MATCAP1: variants seen among roughly 807,000 people sequenced by gnomAD.
MATCAP1 encodes the protein microtubule-associated tyrosine carboxypeptidase 1.
At chr16:67,178,250 A>G in the MATCAP1 span, 2 of 1,562,134 alleles carry the variant, frequency 1.3e-6, no homozygotes, top group Non-Finnish European at 1.7e-6. Flanking sequence ...CAGTACTCCC[A>G]GCGCACATCG....
chr16:67,182,203 T>C, the MATCAP1 span, among the ~76,000 whole-genome samples: 1 of 148,912 alleles, frequency 6.7e-6, no homozygotes, highest in East Asian at 2.0e-4. Flanking sequence ...GAGCCAAGAT[T>C]GTGCCATGGC....
the MATCAP1 span, among the ~76,000 whole-genome samples, chr16:67,182,264 A>AG: frequency 3.9e-5 from 6 of 151,950 alleles, no homozygotes; most frequent in Non-Finnish European, 8.8e-5. Flanking sequence ...AAAAAAAAAA[A>AG]AAAAAAAGTC....
At chr16:67,179,483 T>C in the MATCAP1 span, 3 of 1,612,450 alleles carry the variant, frequency 1.9e-6, no homozygotes, top group East Asian at 2.2e-5. The surrounding 1 kb of genome is among the most constrained non-coding windows in gnomAD (Gnocchi z 5.2). Flanking sequence ...TCCGGTCAGG[T>C]TGATCGCCAA....
At chr16:67,178,107 C>G in the MATCAP1 span, 1 of 1,612,530 alleles carries the variant, frequency 6.2e-7, no homozygotes, top group Non-Finnish European at 8.5e-7. Flanking sequence ...GCTGAAACAA[C>G]CTGGGAGGGC....
the MATCAP1 span, chr16:67,179,283 G>A: frequency 6.7e-7 from 1 of 1,489,954 alleles, no homozygotes; most frequent in Non-Finnish European, 8.9e-7. The surrounding 1 kb of genome is among the most constrained non-coding windows in gnomAD (Gnocchi z 5.2). Context: ...AGGGCGGGAG[G>A]TGGCTGCTCA....
chr16:67,176,920 CG>C, the MATCAP1 span: 1 of 1,608,010 alleles, frequency 6.2e-7, no homozygotes, highest in East Asian at 2.3e-5. This position sits in a 1 kb window ranked among gnomAD's most constrained non-coding sequence, Gnocchi z 4.3. Flanking sequence ...GTGGGGCACC[CG>C]GGTATTATCC....
chr16:67,180,973 C>A, the MATCAP1 span, among the ~76,000 whole-genome samples: 1 of 152,166 alleles, frequency 6.6e-6, no homozygotes, highest in Non-Finnish European at 1.5e-5. Flanking sequence ...GTGATCCTCC[C>A]GCCTCAGCCT....
chr16:67,179,203 C>T, the MATCAP1 span: 21 of 1,364,584 alleles, frequency 1.5e-5, no homozygotes, highest in African/African-American at 2.7e-4. This position sits in a 1 kb window ranked among gnomAD's most constrained non-coding sequence, Gnocchi z 5.2. Context: ...AAAATATACC[C>T]GAAAGGACCA....
chr16:67,175,920 C>T, the MATCAP1 span: 1 of 152,406 alleles, frequency 6.6e-6, no homozygotes, highest in African/African-American at 2.4e-5. Context: ...ATTGCAGCTG[C>T]TCCTAGGCTA....
chr16:67,180,926 A>G, the MATCAP1 span, among the ~76,000 whole-genome samples: 3 of 152,166 alleles, frequency 2.0e-5, no homozygotes, highest in Non-Finnish European at 4.4e-5. Context: ...CAGTGCAATG[A>G]TCATAGCTCA....
At chr16:67,178,204 A>C in the MATCAP1 span, 2 of 1,379,904 alleles carry the variant, frequency 1.4e-6, no homozygotes, top group Non-Finnish European at 1.9e-6. Context: ...CACACCTGGC[A>C]GCGAGGTGTC....
At chr16:67,182,142 G>A in the MATCAP1 span, among the ~76,000 whole-genome samples, 6 of 152,002 alleles carry the variant, frequency 3.9e-5, no homozygotes, top group African/African-American at 1.5e-4. Context: ...CCAGCTACTC[G>A]GGAGGCTGAG....
At chr16:67,175,834 A>T in the MATCAP1 span, 3 of 152,080 alleles carry the variant, frequency 2.0e-5, no homozygotes, top group Admixed American at 6.6e-5. Flanking sequence ...AGCAGCAACC[A>T]CCTCTGCACC....
At chr16:67,181,451 C>T in the MATCAP1 span, 86 of 152,334 alleles carry the variant, frequency 5.6e-4, no homozygotes, top group African/African-American at 1.8e-3. Flanking sequence ...TCTGGCTTGT[C>T]CCCTATCTGA....
At chr16:67,177,082 C>T in the MATCAP1 span, 6 of 901,876 alleles carry the variant, frequency 6.7e-6, no homozygotes, top group Non-Finnish European at 9.6e-6. Context: ...GGGACTTCTT[C>T]CTCTCCCCTC....
At chr16:67,179,980 C>A in the MATCAP1 span, 2 of 1,613,860 alleles carry the variant, frequency 1.2e-6, no homozygotes, top group Non-Finnish European at 1.7e-6. The surrounding 1 kb of genome is among the most constrained non-coding windows in gnomAD (Gnocchi z 5.2). Flanking sequence ...GCCACAGTGG[C>A]TGGTCAGGAC....
the MATCAP1 span, chr16:67,179,947 G>T: frequency 6.2e-7 from 1 of 1,614,206 alleles, no homozygotes. This position sits in a 1 kb window ranked among gnomAD's most constrained non-coding sequence, Gnocchi z 5.2. Context: ...CAGCCTCAAT[G>T]ATGCCAACTG....
chr16:67,177,785 T>G, the MATCAP1 span, among the ~76,000 whole-genome samples: 5 of 152,218 alleles, frequency 3.3e-5, no homozygotes, highest in Non-Finnish European at 5.9e-5. Context: ...CCTGGAATGC[T>G]CATCTCCTTT....
At chr16:67,179,797 C>T in the MATCAP1 span, 6 of 1,613,662 alleles carry the variant, frequency 3.7e-6, no homozygotes, top group Admixed American at 1.7e-5. This position sits in a 1 kb window ranked among gnomAD's most constrained non-coding sequence, Gnocchi z 5.2. Context: ...AGAGGAAGGG[C>T]TCTGCAGGCA....
Sources: gnomAD v4.1 joint callset for allele counts (sites outside exome capture counted in the v4.1 genomes callset) on GRCh38, gnomAD v4.1.1 for gene constraint, Gnocchi (gnomAD v3.1) non-coding constraint, MANE v1.5 for transcripts, NCBI Gene and HGNC (gene_info 2026-07-23, HGNC 2026-07-21) for gene names.